CNGB1: variants seen among roughly 807,000 people sequenced by gnomAD.
CNGB1 encodes cyclic nucleotide gated channel subunit beta 1, also known as cyclic nucleotide-gated channel beta-1.
In CNGB1, 126 loss-of-function variants were observed where a neutral mutation model predicts 151.7. The observed-to-expected ratio is 0.83, with a 90% CI of 0.72 to 0.96. The LOEUF (loss-of-function observed/expected upper bound fraction) is 0.96. CNGB1 is among the 40% of genes least tolerant of loss of function. The pLI is 0.00. For synonymous variants in CNGB1, 623 were observed against 635.1 expected, an observed-to-expected ratio of 0.98 and a Z score of 0.29; for missense variants, 1,698 against 1,627.0, an observed-to-expected ratio of 1.04 and a Z score of -0.75.
chr16:57,902,460 T>C (rs774989553), intron 27 of CNGB1, among the ~76,000 whole-genome samples: 23 of 152,270 alleles, frequency 1.5e-4, no homozygotes, highest in South Asian at 6.2e-4. Context: ...CTTTGAACCC[T>C]GAAAAGCTAA....
At position 57,914,914 on chromosome 16, in the gene CNGB1, C is replaced by T. The variant is rs143852621; in HGVS notation, c.2304+335G>A. On this transcript the variant is annotated intron_variant, in intron 23 of 32. Coordinates refer to ENST00000251102, the MANE Select transcript of CNGB1 (RefSeq NM_001297.5). ...TGAGAGTCTCTATAATCACTGAGAG[C>T]GTAAACAGTGGAGACAGATGACCTG... is the stretch of plus-strand genomic sequence containing the variant. 1.2e-3 allele frequency among the ~76,000 whole-genome samples: 159 copies of T among 138,094 alleles called. 1 individual carries two copies. The highest frequency in any genetic ancestry group is 3.7e-3 in the African/African-American group (142 of 38,240). The allele number at this position is 138,094 out of a possible 152,430, so 90.6% of individuals were successfully genotyped here. A position where few individuals can be genotyped will look rare whatever the true frequency, so the allele number is the denominator to read the frequency against.
chr16:57,920,431 A>G lies in CNGB1; in HGVS notation c.1757T>C (p.Leu586Pro), dbSNP rs1960999047. 1 of 1,614,032 alleles carries G rather than the reference A, an allele frequency of 6.2e-7. No homozygotes were observed. Among genetic ancestry groups the G allele is most frequent in the Non-Finnish European group, 8.5e-7 (1 of 1,180,026 alleles). The change falls in exon 19 of 33, where the codon CTC (leucine) becomes CCC (proline). Residue 586 changes from leucine (L) to proline (P), a missense_variant. Leu to Pro is a moderately conservative substitution (Grantham distance 98). Coordinates refer to ENST00000251102, the MANE Select transcript of CNGB1 (RefSeq NM_001297.5). ...ATCAGAGGTGACGTCAGGGTCAATG[A>G]GTTTCTCCTTCACTTTCTCTGTCCG... ...KERTEKVKEK[L>P]IDPDVTSDEE...
In CNGB1 at chr16:57,949,370, TTCCTCCTCCTCCTCC is replaced by T; in HGVS notation, c.1089_1103del (p.Glu367_Glu371del). 6.2e-7 allele frequency: 1 copy of T among 1,611,872 alleles called. No individual in the cohort carries two copies. Among genetic ancestry groups the T allele is most frequent in the Non-Finnish European group, 8.5e-7 (1 of 1,179,748 alleles). ...TGACTTACTCAGTCACCTCCTCCTC[TTCCTCCTCCTCCTCC>T]TCTTCCTCTTCCTCCTCCTCATCTT... is the stretch of plus-strand genomic sequence containing the variant. On this transcript the variant is annotated inframe_deletion, in exon 14 of 33. Coordinates refer to ENST00000251102, the MANE Select transcript of CNGB1 (RefSeq NM_001297.5).
chr16:57,933,525 C>CA (rs1961416984), intron 16 of CNGB1, among the ~76,000 whole-genome samples: 1 of 152,092 alleles, frequency 6.6e-6, no homozygotes, highest in Non-Finnish European at 1.5e-5. Context: ...TGCCCCAAGT[C>CA]CAAGCTCAGA....
At chr16:57,896,301 C>G (rs987285077) in intron 31 of CNGB1, among the ~76,000 whole-genome samples, 1 of 152,176 alleles carries the variant, frequency 6.6e-6, no homozygotes, top group Non-Finnish European at 1.5e-5. Flanking sequence ...GTGCGCCTCT[C>G]GATACATTTG....
At chr16:57,911,146 C>T (rs1960698563) in intron 25 of CNGB1, among the ~76,000 whole-genome samples, 1 of 152,128 alleles carries the variant, frequency 6.6e-6, no homozygotes, top group Non-Finnish European at 1.5e-5. Context: ...AGTAGATGCA[C>T]AAATACAGCG....
chr16:57,943,207 T>A (rs978765015), intron 14 of CNGB1, among the ~76,000 whole-genome samples: 1 of 152,060 alleles, frequency 6.6e-6, no homozygotes, highest in African/African-American at 2.4e-5. Context: ...AAACTGATTT[T>A]AAAAAATGGG....
chr16:57,968,213 T>C (rs1337022991), intron 1 of CNGB1, among the ~76,000 whole-genome samples: 1 of 152,116 alleles, frequency 6.6e-6, no homozygotes, highest in Non-Finnish European at 1.5e-5. Flanking sequence ...TGTAACATAC[T>C]CAGGCCAAGG....
At position 57,883,967 on chromosome 16, in the gene CNGB1, A is replaced by G. The variant is rs1596940873; in HGVS notation, c.*197T>C. ...ACACTTGATGCAACTTGTCGAGCTC[A>G]GGCCCAGCCCCGCGAGGAGCTGAGT... On this transcript the variant is annotated 3_prime_UTR_variant, in exon 33 of 33. Transcript: ENST00000251102. 1 of 679,232 alleles carries G rather than the reference A, an allele frequency of 1.5e-6. No individual in the cohort carries two copies. The highest frequency in any genetic ancestry group is 2.5e-6 in the Non-Finnish European group (1 of 392,622). The allele number at this position is 679,232 out of a possible 1,614,324, so 42.1% of individuals were successfully genotyped here. A position where few individuals can be genotyped will look rare whatever the true frequency, so the allele number is the denominator to read the frequency against.
At chr16:57,955,459 G>A (rs1230816224) in intron 12 of CNGB1, 2 of 1,069,552 alleles carry the variant, frequency 1.9e-6, no homozygotes, top group African/African-American at 3.1e-5. Context: ...TGAATGAATG[G>A]GGAAGGTAAG....
chr16:57,922,979 G>A, intron 18 of CNGB1: 1 of 325,818 alleles, frequency 3.1e-6, no homozygotes, highest in South Asian at 3.1e-5. Context: ...CCTGCAGGCA[G>A]CTCCCCTCAG....
chr16:57,885,557 C>CCT (rs1220420237), intron 32 of CNGB1, among the ~76,000 whole-genome samples: 31 of 97,662 alleles, frequency 3.2e-4, no homozygotes, highest in Non-Finnish European at 4.5e-4. Context: ...TTCCTTCCTT[C>CCT]CTCTCTCTCT....
intron 12 of CNGB1, among the ~76,000 whole-genome samples, chr16:57,956,850 G>A (rs1157788446): frequency 6.6e-6 from 1 of 152,184 alleles, no homozygotes; most frequent in African/African-American, 2.4e-5. Context: ...TCCTGGCTCA[G>A]GGCTGGGATA....
At chr16:57,933,206 G>A (rs571246870) in intron 16 of CNGB1, among the ~76,000 whole-genome samples, 14 of 152,306 alleles carry the variant, frequency 9.2e-5, no homozygotes, top group African/African-American at 2.6e-4. Context: ...GGGATTACAG[G>A]CGTGAGCCAC....
intron 31 of CNGB1, among the ~76,000 whole-genome samples, chr16:57,896,721 T>A (rs1596954289): frequency 8.1e-6 from 1 of 123,616 alleles, no homozygotes; most frequent in African/African-American, 3.1e-5. Context: ...TCAAAATAAA[T>A]AAATAAATAA....
intron 21 of CNGB1, 114 bp from the exon 22 acceptor site, chr16:57,916,293 A>G: frequency 2.0e-6 from 2 of 1,022,168 alleles, no homozygotes; most frequent in Admixed American, 1.8e-5. Flanking sequence ...ATAACAGCCC[A>G]AGGACCATCT....
At chr16:57,945,874 G>A (rs556128937) in intron 14 of CNGB1, among the ~76,000 whole-genome samples, 6 of 152,322 alleles carry the variant, frequency 3.9e-5, no homozygotes, top group South Asian at 2.1e-4. Flanking sequence ...CAGAGGAGGC[G>A]GTGATCTGCA....
intron 12 of CNGB1, chr16:57,954,931 T>A (rs1010929900): frequency 9.7e-7 from 1 of 1,034,546 alleles, no homozygotes; most frequent in Non-Finnish European, 1.2e-6. Context: ...AAAGGTTTTT[T>A]AGAGACAGGG....
intron 20 of CNGB1, 132 bp from the exon 21 acceptor site, chr16:57,917,608 G>A (rs186863811): frequency 0.28 from 133,338 of 474,906 alleles, 14,020 homozygotes; most frequent in South Asian, 0.39. Context: ...GTGTGTGTAT[G>A]TGTGTGTGTG....
Sources: allele counts gnomAD v4.1 joint callset (sites outside exome capture counted in the v4.1 genomes callset), GRCh38; gene constraint gnomAD v4.1.1; transcripts MANE v1.5; gene names NCBI Gene and HGNC (gene_info 2026-07-23, HGNC 2026-07-21).